GALNT18: variants seen among roughly 807,000 people sequenced by gnomAD.
The protein encoded by GALNT18 is GalNAc-transferase 18.
A neutral mutation model predicts 69.5 loss-of-function variants in GALNT18; 44 were observed. The ratio of observed to expected loss-of-function variants is 0.63; its 90% CI spans 0.50 to 0.81. GALNT18 has a LOEUF of 0.81. GALNT18 is among the 40% of genes least tolerant of loss of function. GALNT18 has a pLI of 0.00. For missense variants in GALNT18, 715 were observed against 810.0 expected, an observed-to-expected ratio of 0.88 and a Z score of 1.42; for synonymous variants, 364 against 318.2, an observed-to-expected ratio of 1.14 and a Z score of -1.53.
rs566839694 is a variant in GALNT18 at position 11,457,302 on chromosome 11, C to T, written c.236-8366G>A. On this transcript the variant is annotated intron_variant, in intron 1 of 10. Transcript: ENST00000227756. ...GGTCTGACTGCCTCACCTTCTAGGA[C>T]CAGATCCCTGCAGATCCCCTTCTGC... 8.5e-5 allele frequency among the ~76,000 whole-genome samples: 13 copies of T among 152,332 alleles called. No individual in the cohort carries two copies. The South Asian group carries it at 2.3e-3, about 27-fold the overall frequency.
chr11:11,333,430 G>T (rs539193473), intron 7 of GALNT18, among the ~76,000 whole-genome samples: 5 of 152,058 alleles, frequency 3.3e-5, no homozygotes, highest in Non-Finnish European at 7.4e-5. Flanking sequence ...CCTCCTTTAC[G>T]GATGATGAGT....
intron 1 of GALNT18, among the ~76,000 whole-genome samples, chr11:11,593,254 C>T (rs570145993): frequency 6.6e-6 from 1 of 152,300 alleles, no homozygotes; most frequent in South Asian, 2.1e-4. Flanking sequence ...TAACTGTGCC[C>T]TGTTCTATCA....
chr11:11,285,548 A>T (rs565159737), intron 10 of GALNT18, among the ~76,000 whole-genome samples: 1 of 152,298 alleles, frequency 6.6e-6, no homozygotes, highest in South Asian at 2.1e-4. Context: ...GACTTCCATA[A>T]ACCAAAAATA....
rs1264332495 is a variant in GALNT18 at position 11,306,810 on chromosome 11, T to C, written c.1513-13617A>G. Among the ~76,000 whole-genome samples the C allele has an allele frequency of 3.5e-5, 5 of 143,984 alleles. No individual in the cohort carries two copies. The East Asian group carries it at 1.0e-3, about 29-fold the overall frequency. 94.5% of individuals were successfully genotyped at this position (143,984 alleles called of 152,430 possible). ...CTACTTTGCAATGTGACTGCGCAGC[T>C]CTTCCCTTCACTTCATTTCTCCCTT... is the stretch of plus-strand genomic sequence containing the variant. On this transcript the variant is annotated intron_variant, in intron 9 of 10. Transcript: ENST00000227756.
rs996874062 is a variant in GALNT18, at chr11:11,590,298, A to T, written c.235+31061T>A. On this transcript the variant is annotated intron_variant, in intron 1 of 10. Coordinates refer to ENST00000227756, the MANE Select transcript of GALNT18 (RefSeq NM_198516.3). This position sits in a 1 kb window ranked among gnomAD's most constrained non-coding sequence, Gnocchi z 4.4. Reference sequence around the variant, plus strand: ...ATGTTCTCTCTCCCCGTATCTGCCGATTGCATGCAAGGGGTCACGCAGAAA... The same window carrying T: ...ATGTTCTCTCTCCCCGTATCTGCCGTTTGCATGCAAGGGGTCACGCAGAAA... Among the ~76,000 whole-genome samples the T allele has an allele frequency of 3.9e-5, 6 of 152,090 alleles. No individual in the cohort carries two copies. Among genetic ancestry groups the T allele is most frequent in the African/African-American group, 1.4e-4 (6 of 41,392 alleles).
At chr11:11,324,199 G>C (rs962651942) in intron 9 of GALNT18, among the ~76,000 whole-genome samples, 8 of 152,164 alleles carry the variant, frequency 5.3e-5, no homozygotes, top group East Asian at 1.9e-4. Flanking sequence ...GTGGTTTAAG[G>C]CCTGTGATAT....
chr11:11,568,427 A>T (rs1858704168), intron 1 of GALNT18, among the ~76,000 whole-genome samples: 1 of 152,100 alleles, frequency 6.6e-6, no homozygotes, highest in South Asian at 2.1e-4. Flanking sequence ...CCATCCATTT[A>T]TACCCTAGGC....
At chr11:11,293,257 G>A (rs1166019262) in intron 9 of GALNT18, 64 bp from the exon 10 acceptor site, 1 of 1,272,740 alleles carries the variant, frequency 7.9e-7, no homozygotes, top group Non-Finnish European at 1.0e-6. Context: ...AGGAGCATAG[G>A]TGGTGATTCT....
In GALNT18 at chr11:11,543,780, GC is replaced by G. The variant is rs968978469; in HGVS notation, c.235+77578del. On this transcript the variant is annotated intron_variant, in intron 1 of 10. Transcript: ENST00000227756. The surrounding 1 kb of genome is among the most constrained non-coding windows in gnomAD (Gnocchi z 5.1). ...CCCATGGCTCTGTGATGTGACTGGG[GC>G]CCCGAATGTGCCACGGTGGGTGGGT... Among the ~76,000 whole-genome samples the G allele has an allele frequency of 3.3e-5, 5 of 152,200 alleles. No individual in the cohort carries two copies. Among genetic ancestry groups the G allele is most frequent in the Non-Finnish European group, 7.3e-5 (5 of 68,044 alleles).
chr11:11,381,798 G>C (rs1052702493), intron 3 of GALNT18, among the ~76,000 whole-genome samples: 1 of 152,192 alleles, frequency 6.6e-6, no homozygotes, highest in South Asian at 2.1e-4. Flanking sequence ...GACAGGGAGA[G>C]CCATTGTGTA....
At position 11,377,085 on chromosome 11, in the gene GALNT18, C is replaced by G. The variant is rs554941643; in HGVS notation, c.977+97G>C. ...ACCCTGCCCACCCCTGTCATCCCCACGATGGGGCTCAAGTTGGAGAATAAG... is the reference window on the plus strand; with the variant it reads ...ACCCTGCCCACCCCTGTCATCCCCAGGATGGGGCTCAAGTTGGAGAATAAG... On this transcript the variant is annotated intron_variant, in intron 5 of 10. Coordinates refer to ENST00000227756, the MANE Select transcript of GALNT18 (RefSeq NM_198516.3). The surrounding 1 kb of genome is among the most constrained non-coding windows in gnomAD (Gnocchi z 4.6). The G allele has an allele frequency of 1.2e-5, 14 of 1,206,214 alleles. No homozygotes were observed. In the South Asian group the frequency reaches 1.8e-4, roughly 15 times the overall value. The allele number at this position is 1,206,214 out of a possible 1,614,324, so 74.7% of individuals were successfully genotyped here. A position where few individuals can be genotyped will look rare whatever the true frequency, so the allele number is the denominator to read the frequency against.
intron 1 of GALNT18, among the ~76,000 whole-genome samples, chr11:11,574,585 C>T (rs900567730): frequency 3.9e-5 from 6 of 152,280 alleles, no homozygotes; most frequent in African/African-American, 9.6e-5. Flanking sequence ...GCCATCATGA[C>T]GTCACATGAG....
At chr11:11,342,730 G>T (rs1414966938) in intron 6 of GALNT18, among the ~76,000 whole-genome samples, 1 of 152,204 alleles carries the variant, frequency 6.6e-6, no homozygotes, top group African/African-American at 2.4e-5. Context: ...TGGTGGGTGG[G>T]TTATGAACAG....
intron 1 of GALNT18, among the ~76,000 whole-genome samples, chr11:11,491,792 A>G (rs1856774952): frequency 6.6e-6 from 1 of 152,174 alleles, no homozygotes; most frequent in African/African-American, 2.4e-5. Flanking sequence ...GGCACAGTCT[A>G]CACCACACCA....
At chr11:11,526,072 T>C (rs1857517862) in intron 1 of GALNT18, among the ~76,000 whole-genome samples, 2 of 152,112 alleles carry the variant, frequency 1.3e-5, no homozygotes, top group South Asian at 4.1e-4. Flanking sequence ...TGTAGACATT[T>C]GCTGTAAGTA....
intron 10 of GALNT18, among the ~76,000 whole-genome samples, chr11:11,284,306 T>C (rs927520531): frequency 6.6e-6 from 1 of 152,218 alleles, no homozygotes; most frequent in Non-Finnish European, 1.5e-5. Context: ...CTGTTCCTCC[T>C]GGAATGTAAG....
intron 1 of GALNT18, among the ~76,000 whole-genome samples, chr11:11,551,066 C>T (rs1005258550): frequency 5.9e-5 from 8 of 136,454 alleles, no homozygotes; most frequent in African/African-American, 8.2e-5. Flanking sequence ...GGATATAAAA[C>T]TGAAACTCTA....
At chr11:11,274,598 T>C (rs1006215474) in intron 10 of GALNT18, among the ~76,000 whole-genome samples, 2 of 152,210 alleles carry the variant, frequency 1.3e-5, no homozygotes, top group African/African-American at 4.8e-5. Flanking sequence ...ATGTGCAGAA[T>C]GTGCAGTTTT....
In GALNT18 at chr11:11,496,575, G is replaced by T. The variant is rs1289340980; in HGVS notation, c.236-47639C>A. On this transcript the variant is annotated intron_variant, in intron 1 of 10. Transcript: ENST00000227756. The surrounding 1 kb of genome is among the most constrained non-coding windows in gnomAD (Gnocchi z 4.0). ...ACAAGCAGCTTGCTATCTCTCAGTA[G>T]GTTCTAATCAACATCACAGAGAAGT... 6.6e-6 allele frequency among the ~76,000 whole-genome samples: 1 copy of T among 152,166 alleles called. No individual in the cohort carries two copies. Among genetic ancestry groups the T allele is most frequent in the Non-Finnish European group, 1.5e-5 (1 of 68,032 alleles).
Sources: gnomAD v4.1 joint callset for allele counts (sites outside exome capture counted in the v4.1 genomes callset) on GRCh38, gnomAD v4.1.1 for gene constraint, Gnocchi (gnomAD v3.1) non-coding constraint, MANE v1.5 for transcripts, NCBI Gene and HGNC (gene_info 2026-07-23, HGNC 2026-07-21) for gene names.